The following DDX1 variants were observed in gnomAD, a reference collection of about 807,000 sequenced individuals.
The protein encoded by DDX1 is ATP-dependent RNA helicase DDX1.
Under a neutral mutation model 108.7 loss-of-function variants are expected in DDX1, and 28 were observed. The ratio of observed to expected loss-of-function variants is 0.26; its 90% CI spans 0.19 to 0.35. DDX1 has a LOEUF of 0.35. DDX1 is among the 10% of genes least tolerant of loss of function. DDX1 has a pLI of 1.00. For missense variants in DDX1, 710 were observed against 884.5 expected (o/e 0.80, Z 2.50); for synonymous variants, 295 against 288.9 (o/e 1.02, Z -0.21).
chr2:15,606,175 G>T lies in DDX1; in HGVS notation c.728G>T (p.Gly243Val). 4 of 1,613,876 alleles carry T rather than the reference G, an allele frequency of 2.5e-6. No homozygotes were observed. The highest frequency in any genetic ancestry group is 3.4e-6 in the Non-Finnish European group (4 of 1,179,840). Residue 243 changes from glycine (G) to valine (V), a missense_variant, in exon 12 of 26, where the codon GGT (glycine) becomes GTT (valine). Physicochemically the swap from Gly to Val is moderately radical, Grantham distance 109. Transcript: ENST00000233084. ...LKNAELKFNF[G>V]EEEFKFPPKD... ...AATGCTGAACTGAAATTTAACTTCG[G>T]TGAAGAGGAATTTAAGTTTCCACCA...
At chr2:15,599,016 G>A (rs1000364267) in intron 5 of DDX1, 10 of 152,140 alleles carry the variant, frequency 6.6e-5, no homozygotes, top group African/African-American at 2.4e-4. Flanking sequence ...AACTTGTTTG[G>A]TTACTTAAAC....
intron 18 of DDX1, among the ~76,000 whole-genome samples, chr2:15,622,303 T>G (rs917657877): frequency 5.3e-5 from 8 of 152,242 alleles, no homozygotes; most frequent in Non-Finnish European, 1.2e-4. Context: ...TGAAAATCTG[T>G]ATCATTAAAT....
At chr2:15,596,899 A>G (rs1426134760) in intron 4 of DDX1, 136 bp downstream of exon 4, 20 of 700,194 alleles carry the variant, frequency 2.9e-5, no homozygotes, top group Non-Finnish European at 4.5e-5. Flanking sequence ...GCTACTGAAA[A>G]TGATATTTTT....
Position 15,591,941 on chromosome 2 carries a change from C to G in DDX1, c.8C>G (p.Ala3Gly), listed in dbSNP as rs1665419798. 2 of 1,440,760 alleles carry G rather than the reference C, an allele frequency of 1.4e-6. No homozygotes were observed. Among genetic ancestry groups the G allele is most frequent in the East Asian group, 3.0e-5 (1 of 33,444 alleles). 89.2% of individuals were successfully genotyped at this position (1,440,760 alleles called of 1,614,324 possible). The change falls in exon 1 of 26, where the codon GCC becomes GGC. Residue 3 changes from alanine to glycine, a missense_variant. Transcript: ENST00000233084. MA[A>G]FSEMGVMPEI... Reference sequence around the variant, plus strand: ...GCGGAGGACGGGGTGAAGATGGCGGCCTTCTCCGGTGCGTTTGTGGAAACT... The same window carrying G: ...GCGGAGGACGGGGTGAAGATGGCGGGCTTCTCCGGTGCGTTTGTGGAAACT...
At chr2:15,619,260 G>A (rs1292698745) in intron 16 of DDX1, among the ~76,000 whole-genome samples, 4 of 152,336 alleles carry the variant, frequency 2.6e-5, no homozygotes, top group Admixed American at 6.5e-5. Flanking sequence ...TCCCAGGGGT[G>A]GACTCTAGAG....
chr2:15,594,009 C>T (rs1179164196), intron 1 of DDX1, among the ~76,000 whole-genome samples: 9 of 151,514 alleles, frequency 5.9e-5, no homozygotes, highest in South Asian at 2.1e-4. Context: ...ATCTGGGAGA[C>T]GGAGTTTGCA....
chr2:15,620,023 G>A (rs909881404), intron 16 of DDX1, among the ~76,000 whole-genome samples, 185 bp from the exon 17 acceptor site: 7 of 152,140 alleles, frequency 4.6e-5, no homozygotes, highest in Non-Finnish European at 8.8e-5. Flanking sequence ...TGACAGTGAG[G>A]GAACTGAACC....
In DDX1 at chr2:15,620,148, G is replaced by C. The variant is rs775878855; in HGVS notation, c.1207-60G>C. On this transcript the variant is annotated intron_variant, in intron 16 of 25. Transcript: ENST00000233084. ...CACTTTGTGTTTCATATCAGTGTTT[G>C]TGTGATTTATTAATTATTATTATAA... 275 of 1,434,458 alleles carry C rather than the reference G, an allele frequency of 1.9e-4. 1 individual carries two copies. The highest frequency in any genetic ancestry group is 2.5e-4 in the Non-Finnish European group (260 of 1,028,090). 88.9% of individuals were successfully genotyped at this position (1,434,458 alleles called of 1,614,324 possible). A position where few individuals can be genotyped will look rare whatever the true frequency, so the allele number is the denominator to read the frequency against.
At chr2:15,628,994 A>G (rs1440733456) in intron 23 of DDX1, among the ~76,000 whole-genome samples, 155 bp downstream of exon 23, 3 of 152,192 alleles carry the variant, frequency 2.0e-5, no homozygotes, top group Admixed American at 6.5e-5. Context: ...ATATTCATTG[A>G]ATGGACAAAT....
chr2:15,628,735 C>G (rs1365675872), intron 22 of DDX1, 25 bp downstream of exon 22: 26 of 1,612,846 alleles, frequency 1.6e-5, no homozygotes, highest in Non-Finnish European at 2.2e-5. Flanking sequence ...TTTTTTCCCC[C>G]ATTTTTAAGC....
intron 3 of DDX1, among the ~76,000 whole-genome samples, chr2:15,596,206 G>A (rs932118596): frequency 6.6e-6 from 1 of 152,158 alleles, no homozygotes; most frequent in Admixed American, 6.5e-5. Context: ...AAAGAGAAAT[G>A]CTTTTTAGGT....
At chr2:15,596,835 C>G (rs897218346) in intron 4 of DDX1, 72 bp downstream of exon 4, 270 of 1,170,694 alleles carry the variant, frequency 2.3e-4, no homozygotes, top group Non-Finnish European at 3.2e-4. Flanking sequence ...GTAGTTTTTA[C>G]TTTGAAATAT....
At chr2:15,613,700 A>C (rs1215884289) in intron 14 of DDX1, among the ~76,000 whole-genome samples, 1 of 152,212 alleles carries the variant, frequency 6.6e-6, no homozygotes, top group African/African-American at 2.4e-5. Flanking sequence ...GACAGTGGGT[A>C]ATAGTTCCAG....
intron 16 of DDX1, among the ~76,000 whole-genome samples, chr2:15,619,399 G>T (rs1270117276): frequency 6.6e-6 from 1 of 152,188 alleles, no homozygotes; most frequent in Non-Finnish European, 1.5e-5. Context: ...CGAAGGTTGG[G>T]GTGGCCCAGT....
At chr2:15,612,181 C>T (rs1455450912) in intron 13 of DDX1, among the ~76,000 whole-genome samples, 2 of 150,628 alleles carry the variant, frequency 1.3e-5, no homozygotes, top group Admixed American at 6.6e-5. Flanking sequence ...GCTGGCCTGG[C>T]GGTGGGTGAC....
chr2:15,619,173 C>A (rs540479688), intron 16 of DDX1, among the ~76,000 whole-genome samples: 1 of 152,280 alleles, frequency 6.6e-6, no homozygotes, highest in South Asian at 2.1e-4. Flanking sequence ...TGTGCCCAAC[C>A]TCACTGCTCC....
At chr2:15,605,011 C>G (rs1279539107) in intron 10 of DDX1, among the ~76,000 whole-genome samples, 22 of 152,102 alleles carry the variant, frequency 1.4e-4, no homozygotes, top group Admixed American at 1.4e-3. Flanking sequence ...CTGGAGTGCT[C>G]TGGGGATAAA....
intron 7 of DDX1, 107 bp downstream of exon 7, chr2:15,602,738 CGCCCGGGCTGGAGG>C (rs938552109): frequency 3.5e-5 from 30 of 846,318 alleles, no homozygotes; most frequent in African/African-American, 1.0e-4. Flanking sequence ...TCTCGCACGT[CGCCCGGGCTGGAGG>C]GCCCGGGCTG....
intron 20 of DDX1, 76 bp downstream of exon 20, chr2:15,627,221 T>C (rs1160162983): frequency 8.8e-6 from 7 of 798,042 alleles, no homozygotes; most frequent in Non-Finnish European, 1.4e-5. Context: ...TTTTAATTAA[T>C]ATTATTAAAG....
Sources: gnomAD v4.1 joint callset for allele counts (sites outside exome capture counted in the v4.1 genomes callset) on GRCh38, gnomAD v4.1.1 for gene constraint, MANE v1.5 for transcripts, NCBI Gene and HGNC (gene_info 2026-07-23, HGNC 2026-07-21) for gene names.